The following FN1 variants were observed in gnomAD, a reference collection of about 807,000 sequenced individuals.
FN1 encodes the protein fibronectin 1.
FN1 carries 106 observed loss-of-function variants against 297.3 expected under a neutral mutation model. That is an observed-to-expected ratio of 0.36 (90% CI 0.30 to 0.42). The LOEUF (loss-of-function observed/expected upper bound fraction) is 0.42, where lower values mean the gene tolerates loss of function less well. FN1 is among the 10% of genes least tolerant of loss of function. FN1 has a pLI of 1.00. For missense variants in FN1, 2,690 were observed against 3,124.9 expected, an observed-to-expected ratio of 0.86 and a Z score of 3.32; for synonymous variants, 1,149 against 1,152.6, an observed-to-expected ratio of 1.00 and a Z score of 0.06.
At position 215,435,878 on chromosome 2, in the gene FN1, G is replaced by A; in HGVS notation, c.-76C>T. 6.7e-7 allele frequency: 1 copy of A among 1,485,548 alleles called. No homozygotes were observed. The highest frequency in any genetic ancestry group is 1.3e-5 in the South Asian group (1 of 75,540). The allele number at this position is 1,485,548 out of a possible 1,614,324, so 92.0% of individuals were successfully genotyped here. On this transcript the variant is annotated 5_prime_UTR_variant, in exon 1 of 46. Coordinates refer to ENST00000354785, the MANE Select transcript of FN1 (RefSeq NM_212482.4). ...AGTTTGCTTCCCTTCGCAACCTGCG[G>A]GAAAAATCCCTTCTAATGCCTCCCG... is the stretch of plus-strand genomic sequence containing the variant.
chr2:215,369,203 A>G (rs577899865), intron 41 of FN1, among the ~76,000 whole-genome samples: 1 of 142,900 alleles, frequency 7.0e-6, no homozygotes, highest in Admixed American at 7.0e-5. Context: ...AAAGTTAAAG[A>G]GATGGAATCT....
intron 21 of FN1, among the ~76,000 whole-genome samples, chr2:215,398,977 G>A (rs2060646590): frequency 6.6e-6 from 1 of 152,180 alleles, no homozygotes; most frequent in African/African-American, 2.4e-5. Context: ...ATTCCCTGCA[G>A]GAAAGGATAG....
chr2:215,378,069 A>C, intron 35 of FN1, 106 bp downstream of exon 35: 1 of 797,438 alleles, frequency 1.3e-6, no homozygotes, highest in Non-Finnish European at 2.2e-6. Flanking sequence ...CAGCTTCCCA[A>C]AGTGCTTGGA....
intron 15 of FN1, among the ~76,000 whole-genome samples, 200 bp downstream of exon 15, chr2:215,409,363 A>T (rs1178994237): frequency 6.6e-6 from 1 of 152,124 alleles, no homozygotes; most frequent in Non-Finnish European, 1.5e-5. Context: ...GGAACATGTG[A>T]CAGTGGCTTG....
intron 33 of FN1, 89 bp downstream of exon 33, chr2:215,380,722 G>A (rs1559383049): frequency 4.9e-6 from 7 of 1,432,758 alleles, no homozygotes; most frequent in African/African-American, 4.2e-5. Context: ...CCTTACACGG[G>A]AATCAATAGC....
chr2:215,371,103 AC>A (rs1437345552), intron 40 of FN1, among the ~76,000 whole-genome samples: 2 of 143,520 alleles, frequency 1.4e-5, no homozygotes, highest in Non-Finnish European at 3.1e-5. Flanking sequence ...CCCCGTCTCT[AC>A]TAAAAATACA....
In FN1 at chr2:215,404,565, C is replaced by T. The variant is rs996294851; in HGVS notation, c.3077G>A (p.Gly1026Glu). ...GGTAAGGCCCACGGTCAGTCGGTAT[C>T]CTGTTATCTGGGCCCGAGGTGGAGT... ...RWTPPRAQIT[G>E]YRLTVGLTRR... is the part of the protein sequence containing the mutation. The change falls in exon 20 of 46, where the codon GGA becomes GAA. Residue 1026 changes from glycine (G) to glutamate (E), a missense_variant. Gly to Glu is a moderately conservative substitution (Grantham distance 98, BLOSUM62 -2). Transcript: ENST00000354785. 2 of 1,614,110 alleles carry T rather than the reference C, an allele frequency of 1.2e-6. No individual in the cohort carries two copies. Among genetic ancestry groups the T allele is most frequent in the Non-Finnish European group, 1.7e-6 (2 of 1,180,008 alleles).
chr2:215,424,026 C>T, intron 8 of FN1, 120 bp downstream of exon 8: 2 of 1,023,760 alleles, frequency 2.0e-6, no homozygotes, highest in Admixed American at 1.7e-5. Context: ...TGAGTCCAAA[C>T]TGAACAAAAG....
chr2:215,397,974 G>T, intron 21 of FN1, 126 bp from the exon 22 acceptor site: 1 of 857,832 alleles, frequency 1.2e-6, no homozygotes, highest in Non-Finnish European at 1.9e-6. Context: ...TACTTTTATT[G>T]GGAAATGATT....
intron 21 of FN1, 50 bp from the exon 22 acceptor site, chr2:215,397,898 A>G (rs6725958): frequency 9.8e-6 from 15 of 1,523,788 alleles, no homozygotes; most frequent in Non-Finnish European, 1.4e-5. Context: ...TTTCCAGAGG[A>G]CTGTTACTGC....
chr2:215,363,188 A>G (rs1400791222), intron 44 of FN1: 2 of 152,156 alleles, frequency 1.3e-5, no homozygotes, highest in Non-Finnish European at 2.9e-5. Flanking sequence ...CCTGTCTTAA[A>G]TGTTTCATTT....
Position 215,422,206 on chromosome 2 carries a change from C to T in FN1, c.1431G>A (p.Met477Ile). 1 of 1,614,056 alleles carries T rather than the reference C, an allele frequency of 6.2e-7. No homozygotes were observed. Among genetic ancestry groups the T allele is most frequent in the Non-Finnish European group, 8.5e-7 (1 of 1,179,908 alleles). Residue 477 changes from methionine to isoleucine, a missense_variant, in exon 10 of 46, where the codon ATG (methionine) becomes ATA (isoleucine). Physicochemically the swap from Met to Ile is conservative, Grantham distance 10. This residue lies in a region of FN1 where 876 missense variants were observed against 1,058.1 expected (regional missense o/e 0.83). Coordinates refer to ENST00000354785, the MANE Select transcript of FN1 (RefSeq NM_212482.4). ...EEICTTNEGV[M>I]YRIGDQWDKQ... is the part of the protein sequence containing the mutation. Reference sequence around the variant, plus strand: ...TATCCCACTGATCTCCAATGCGGTACATGACCCCTTCATTGGTTGTGCAGA... The same window carrying T: ...TATCCCACTGATCTCCAATGCGGTATATGACCCCTTCATTGGTTGTGCAGA...
Position 215,379,240 on chromosome 2 carries a change from C to T in FN1, c.5512G>A (p.Val1838Ile), listed in dbSNP as rs1300010218. 3.1e-6 allele frequency: 5 copies of T among 1,613,942 alleles called. No individual in the cohort carries two copies. In the African/African-American group the frequency reaches 6.7e-5, roughly 22 times the overall value. ...CGCACTCGATATCCAGTGAGCTGAACATTGGGTGGTGTCCACTGGGCGCTC... is the reference window on the plus strand; with the variant it reads ...CGCACTCGATATCCAGTGAGCTGAATATTGGGTGGTGTCCACTGGGCGCTC... The part of the protein sequence containing the change: ...SLSAQWTPPN[V>I]QLTGYRVRVT... The change falls in exon 34 of 46, where the codon GTT becomes ATT. Residue 1838 changes from valine to isoleucine, a missense_variant. Physicochemically the swap from Val to Ile is conservative, Grantham distance 29. Transcript: ENST00000354785.
At chr2:215,414,631 AC>A (rs1179859843) in intron 13 of FN1, 4 of 1,334,972 alleles carry the variant, frequency 3.0e-6, no homozygotes, top group Non-Finnish European at 3.8e-6. Context: ...CCGCAAAAAA[AC>A]AAAACCCAAA....
intron 10 of FN1, chr2:215,421,258 G>A (rs867913533): frequency 4.2e-6 from 1 of 240,132 alleles, no homozygotes; most frequent in African/African-American, 2.3e-5. Context: ...GAGATACTTA[G>A]ATTTGGGAAA....
Position 215,383,891 on chromosome 2 carries a change from C to T in FN1, c.4894+129G>A. The T allele has an allele frequency of 4.0e-6, 4 of 993,168 alleles. No homozygotes were observed. In the South Asian group the frequency reaches 5.7e-5, roughly 14 times the overall value. The allele number at this position is 993,168 out of a possible 1,614,324, so 61.5% of individuals were successfully genotyped here. A position where few individuals can be genotyped will look rare whatever the true frequency, so the allele number is the denominator to read the frequency against. Reference sequence around the variant, plus strand: ...CTCAAAACTCTGTTCGCTGCAGGTGCTAGCTGCAGGTTGTTGCTCATTAAA... The same window carrying T: ...CTCAAAACTCTGTTCGCTGCAGGTGTTAGCTGCAGGTTGTTGCTCATTAAA... On this transcript the variant is annotated intron_variant, in intron 30 of 45. Coordinates refer to ENST00000354785, the MANE Select transcript of FN1 (RefSeq NM_212482.4).
In FN1 at chr2:215,384,030, A is replaced by G. The variant is rs1359121928; in HGVS notation, c.4884T>C (p.Asn1628=). 4.3e-6 allele frequency: 7 copies of G among 1,614,068 alleles called. No individual in the cohort carries two copies. The highest frequency in any genetic ancestry group is 5.9e-6 in the Non-Finnish European group (7 of 1,180,034). ...AGTAGAAGTTTGTACCTGTTCGGTA[A>G]TTAATGGAAATTGGCTTGCTGCTTG... ...SPASSKPISI[N]YRTEIDKPSQ... Residue 1628 remains asparagine, a synonymous_variant, in exon 30 of 46, where the codon AAT becomes AAC. Transcript: ENST00000354785.
At chr2:215,420,616 G>A (rs1328857181) in intron 11 of FN1, 57 bp downstream of exon 11, 44 of 1,607,172 alleles carry the variant, frequency 2.7e-5, no homozygotes, top group Non-Finnish European at 3.7e-5. Context: ...TTTCTTATCT[G>A]AAACTTGCTA....
At chr2:215,420,544 G>T in intron 11 of FN1, 129 bp downstream of exon 11, 1 of 1,196,324 alleles carries the variant, frequency 8.4e-7, no homozygotes, top group South Asian at 1.3e-5. Context: ...ACTTTGCAAA[G>T]TTCTTTGCAA....
Sources: allele counts gnomAD v4.1 joint callset (sites outside exome capture counted in the v4.1 genomes callset), GRCh38; gene constraint gnomAD v4.1.1; regional missense constraint gnomAD v4.1.1; transcripts MANE v1.5; gene names NCBI Gene and HGNC (gene_info 2026-07-23, HGNC 2026-07-21).